Variants in ZCCHC14 observed in about 807,000 individuals in gnomAD.
The protein encoded by ZCCHC14 is zinc finger CCHC domain-containing protein 14.
Under a neutral mutation model 85.0 loss-of-function variants are expected in ZCCHC14, and 16 were observed. The ratio of observed to expected loss-of-function variants is 0.19; its 90% confidence interval spans 0.13 to 0.29. The LOEUF (loss-of-function observed/expected upper bound fraction) is 0.29, where lower values mean the gene tolerates loss of function less well. ZCCHC14 is among the 10% of genes least tolerant of loss of function. The probability of loss-of-function intolerance (pLI) is 1.00; values close to 1 mark genes in which losing one functional copy is unlikely to be tolerated. For missense variants in ZCCHC14, 1,303 were observed against 1,443.5 expected (o/e 0.90, Z 1.58); for synonymous variants, 775 against 630.7 (o/e 1.23, Z -3.43).
In ZCCHC14 at chr16:87,411,606, T is replaced by C; in HGVS notation, c.3115A>G (p.Lys1039Glu). ...TTGTAACAAGATAGGTTCCCGCTCT[T>C]TTTGTGACTGGAACCATTGCTACTG... ...VGSSNGSSHKKSGNLSCYNCG... is the reference protein window; with the variant it reads ...VGSSNGSSHKESGNLSCYNCG... The change falls in exon 12 of 13, where the codon AAG (lysine) becomes GAG (glutamate). Residue 1039 changes from lysine to glutamate, a missense_variant. Transcript: ENST00000671377. 1 of 1,613,858 alleles carries C rather than the reference T, an allele frequency of 6.2e-7. No homozygotes were observed. The highest frequency in any genetic ancestry group is 2.2e-5 in the East Asian group (1 of 44,868).
chr16:87,464,535 GCCACAA>G (rs1911430513), intron 1 of ZCCHC14, among the ~76,000 whole-genome samples: 1 of 152,224 alleles, frequency 6.6e-6, no homozygotes, highest in African/African-American at 2.4e-5. Flanking sequence ...AGGTCCGTCT[GCCACAA>G]CCACAACTGG....
At chr16:87,444,498 A>G (rs1261587511) in intron 2 of ZCCHC14, among the ~76,000 whole-genome samples, 3 of 152,244 alleles carry the variant, frequency 2.0e-5, no homozygotes, top group African/African-American at 7.2e-5. Flanking sequence ...ATCTAGTTAG[A>G]AAGTAATTTT....
At chr16:87,430,820 C>T (rs1335658354) in intron 3 of ZCCHC14, among the ~76,000 whole-genome samples, 3 of 152,140 alleles carry the variant, frequency 2.0e-5, no homozygotes, top group Non-Finnish European at 4.4e-5. Flanking sequence ...CTGTGCCCCG[C>T]TAACTTTCAG....
At chr16:87,446,861 T>G (rs1567526967) in intron 2 of ZCCHC14, among the ~76,000 whole-genome samples, 2 of 152,078 alleles carry the variant, frequency 1.3e-5, no homozygotes, top group Non-Finnish European at 1.5e-5. Flanking sequence ...TTTTTTTGTA[T>G]TTTTAGTAGA....
intron 3 of ZCCHC14, 30 bp downstream of exon 3, chr16:87,433,098 G>C: frequency 2.5e-6 from 4 of 1,608,952 alleles, no homozygotes; most frequent in Non-Finnish European, 3.4e-6. Flanking sequence ...AGCCTTCCAG[G>C]AGAGAGGGGA....
At chr16:87,441,829 C>T (rs769262519) in intron 2 of ZCCHC14, among the ~76,000 whole-genome samples, 10 of 152,152 alleles carry the variant, frequency 6.6e-5, no homozygotes, top group Non-Finnish European at 1.3e-4. Flanking sequence ...TCTATGAAAA[C>T]GTAGTGTTGG....
chr16:87,423,011 C>G (rs987760619), intron 4 of ZCCHC14, among the ~76,000 whole-genome samples: 1 of 152,226 alleles, frequency 6.6e-6, no homozygotes, highest in African/African-American at 2.4e-5. Context: ...ACTCCATGTT[C>G]TCCTGCAGGA....
chr16:87,413,866 C>T (rs1036808470), intron 10 of ZCCHC14, among the ~76,000 whole-genome samples: 9 of 152,172 alleles, frequency 5.9e-5, no homozygotes, highest in Admixed American at 2.0e-4. Flanking sequence ...CTCACCCCCA[C>T]GCGCTCGCTC....
chr16:87,432,753 C>G (rs1230875789), intron 3 of ZCCHC14, among the ~76,000 whole-genome samples: 2 of 152,212 alleles, frequency 1.3e-5, no homozygotes, highest in African/African-American at 4.8e-5. Flanking sequence ...GTTTAAGGAG[C>G]GTTCCCTGCC....
rs1597436222 is a variant in ZCCHC14 at position 87,457,875 on chromosome 16, G to A, written c.694+2133C>T. Reference sequence around the variant, plus strand: ...GACAACAGAAACCGCGACCCTCTATGACTAATGAATGGAGAATGCTGCAGG... The same window carrying A: ...GACAACAGAAACCGCGACCCTCTATAACTAATGAATGGAGAATGCTGCAGG... On this transcript the variant is annotated intron_variant, in intron 2 of 12. Coordinates refer to ENST00000671377, the MANE Select transcript of ZCCHC14 (RefSeq NM_015144.3). Among the ~76,000 whole-genome samples the A allele has an allele frequency of 2.0e-5, 3 of 152,272 alleles. No homozygotes were observed. In the East Asian group the frequency reaches 5.8e-4, roughly 29 times the overall value.
At chr16:87,425,222 C>T (rs1375788783) in intron 3 of ZCCHC14, among the ~76,000 whole-genome samples, 1 of 152,186 alleles carries the variant, frequency 6.6e-6, no homozygotes, top group Non-Finnish European at 1.5e-5. Flanking sequence ...GCAGCAGCGT[C>T]CCTGGAACTA....
At chr16:87,472,786 G>C (rs1911828018) in intron 1 of ZCCHC14, 3 of 152,268 alleles carry the variant, frequency 2.0e-5, no homozygotes, top group Non-Finnish European at 4.4e-5. Flanking sequence ...GCCCAGGCTG[G>C]AGTGCAGTGG....
At chr16:87,439,270 A>G (rs1004801198) in intron 2 of ZCCHC14, among the ~76,000 whole-genome samples, 5 of 151,922 alleles carry the variant, frequency 3.3e-5, no homozygotes. Flanking sequence ...AGCAGCTGGG[A>G]CTACAGGCAC....
chr16:87,453,377 T>C (rs988904306), intron 2 of ZCCHC14, among the ~76,000 whole-genome samples: 2 of 152,204 alleles, frequency 1.3e-5, no homozygotes, highest in African/African-American at 4.8e-5. Context: ...AGGCAGAACC[T>C]GGAGGAAGGC....
chr16:87,481,507 A>G (rs1912264883), intron 1 of ZCCHC14, among the ~76,000 whole-genome samples: 1 of 91,232 alleles, frequency 1.1e-5, no homozygotes, highest in Non-Finnish European at 2.1e-5. Context: ...CACCATGGCA[A>G]GTGTGGCAGG....
chr16:87,457,722 A>G (rs925645042), intron 2 of ZCCHC14, among the ~76,000 whole-genome samples: 7 of 152,238 alleles, frequency 4.6e-5, no homozygotes, highest in Non-Finnish European at 1.0e-4. Context: ...CTTTATAGTA[A>G]TAAAACTATA....
rs1908290853 is a variant in ZCCHC14 at position 87,408,309 on chromosome 16, T to TA, written c.*1970dup. ...GATTTATTTAAAATATTTCTTTGCT[T>TA]AAAAAAACCAAAAAATTTAAAAGTT... On this transcript the variant is annotated 3_prime_UTR_variant, in exon 13 of 13. Coordinates refer to ENST00000671377, the MANE Select transcript of ZCCHC14 (RefSeq NM_015144.3). 6.6e-6 allele frequency: 1 copy of TA among 152,480 alleles called. No homozygotes were observed. Among genetic ancestry groups the TA allele is most frequent in the African/African-American group, 2.4e-5 (1 of 41,434 alleles). The allele number at this position is 152,480 out of a possible 1,614,324, so 9.4% of individuals were successfully genotyped here. A position where few individuals can be genotyped will look rare whatever the true frequency, so the allele number is the denominator to read the frequency against.
chr16:87,432,169 A>C (rs1735405182), intron 3 of ZCCHC14, among the ~76,000 whole-genome samples: 2 of 152,120 alleles, frequency 1.3e-5, no homozygotes, highest in African/African-American at 4.8e-5. Flanking sequence ...CTCTCCAATG[A>C]CGCTGGGAAC....
chr16:87,479,796 T>C (rs763727464), intron 1 of ZCCHC14, among the ~76,000 whole-genome samples: 5 of 152,160 alleles, frequency 3.3e-5, no homozygotes, highest in Admixed American at 2.6e-4. Flanking sequence ...CAAAGCATCA[T>C]GATGCCACGC....
Sources: gnomAD v4.1 joint callset for allele counts (sites outside exome capture counted in the v4.1 genomes callset) on GRCh38, gnomAD v4.1.1 for gene constraint, MANE v1.5 for transcripts, NCBI Gene and HGNC (gene_info 2026-07-23, HGNC 2026-07-21) for gene names.